Variants in EP300 observed in about 807,000 individuals in gnomAD.
EP300 encodes the protein EP300 lysine acetyltransferase.
Under a neutral mutation model 264.0 loss-of-function variants are expected in EP300, and 31 were observed. The ratio of observed to expected loss-of-function variants is 0.12; its 90% confidence interval spans 0.09 to 0.16. The LOEUF is 0.16. Among genes scored for constraint, EP300 ranks in the 10% least tolerant of loss-of-function variants. The pLI, the probability that EP300 is intolerant of heterozygous loss-of-function variation, is 1.00. For missense variants in EP300, 2,766 were observed against 3,052.9 expected (o/e 0.91, Z 2.21); for synonymous variants, 1,340 against 1,045.4 (o/e 1.28, Z -5.44).
At position 41,149,879 on chromosome 22, in the gene EP300, C is replaced by T. The variant is rs1803789601; in HGVS notation, c.2498C>T (p.Ser833Leu). The T allele has an allele frequency of 8.1e-6, 13 of 1,614,124 alleles. No individual in the cohort carries two copies. Among genetic ancestry groups the T allele is most frequent in the Non-Finnish European group, 1.1e-5 (13 of 1,180,032 alleles). The change falls in exon 14 of 31, where the codon TCG becomes TTG. Residue 833 changes from serine (S) to leucine (L), a missense_variant. Ser to Leu is a moderately radical substitution (Grantham distance 145). Transcript: ENST00000263253. Reference sequence around the variant, plus strand: ...CCAGCTCTTCATCAGAATTCACCCTCGCCTGTACCTAGTCGTACCCCCACC... The same window carrying T: ...CCAGCTCTTCATCAGAATTCACCCTTGCCTGTACCTAGTCGTACCCCCACC... ...PQPALHQNSP[S>L]PVPSRTPTPH... is the part of the protein sequence containing the mutation.
At chr22:41,121,903 A>G (rs576188007) in intron 2 of EP300, among the ~76,000 whole-genome samples, 1 of 152,130 alleles carries the variant, frequency 6.6e-6, no homozygotes, top group East Asian at 1.9e-4. Context: ...TACTATATCT[A>G]TCATGAATTT....
intron 10 of EP300, among the ~76,000 whole-genome samples, chr22:41,142,383 G>T (rs2058987690): frequency 1.3e-5 from 2 of 152,162 alleles, no homozygotes; most frequent in South Asian, 4.1e-4. Context: ...TTTGCTAACT[G>T]AAGTGTGCCA....
chr22:41,112,940 G>A (rs983381856), intron 1 of EP300, among the ~76,000 whole-genome samples: 88 of 151,254 alleles, frequency 5.8e-4, no homozygotes, highest in African/African-American at 2.1e-3. Context: ...CTTTTTTGCT[G>A]GAGTATTTTA....
intron 1 of EP300, among the ~76,000 whole-genome samples, chr22:41,105,376 T>G (rs972438071): frequency 6.6e-6 from 1 of 151,170 alleles, no homozygotes; most frequent in African/African-American, 2.4e-5. Flanking sequence ...AATTCAATAT[T>G]GAAATGTTTT....
In EP300 at chr22:41,179,001, A is replaced by C; in HGVS notation, c.*45A>C. On this transcript the variant is annotated 3_prime_UTR_variant, in exon 31 of 31. Transcript: ENST00000263253. ...GGGAGCAAAAAAATTATTTTCTCTT[A>C]ACAAGACTTTTTGTACTGAAAACAA... 1 of 1,606,022 alleles carries C rather than the reference A, an allele frequency of 6.2e-7. No homozygotes were observed. The highest frequency in any genetic ancestry group is 8.5e-7 in the Non-Finnish European group (1 of 1,177,234).
intron 1 of EP300, among the ~76,000 whole-genome samples, chr22:41,098,262 A>T (rs950555203): frequency 2.0e-5 from 3 of 152,216 alleles, no homozygotes; most frequent in African/African-American, 7.2e-5. Context: ...CTTTCCCAGA[A>T]GCGCTTAAGA....
chr22:41,097,058 A>G (rs994352103), intron 1 of EP300, among the ~76,000 whole-genome samples: 2 of 152,222 alleles, frequency 1.3e-5, no homozygotes, highest in South Asian at 2.1e-4. Context: ...GAATGTTTAC[A>G]TAAGAGTTTG....
At chr22:41,158,923 T>C (rs955512721) in intron 19 of EP300, 3 of 194,008 alleles carry the variant, frequency 1.5e-5, no homozygotes, top group African/African-American at 7.1e-5. Context: ...TAGTTGTTAT[T>C]AGAATATATG....
intron 1 of EP300, among the ~76,000 whole-genome samples, chr22:41,099,420 T>C (rs2058719262): frequency 6.6e-6 from 1 of 152,146 alleles, no homozygotes; most frequent in African/African-American, 2.4e-5. Context: ...TGAAACCCTG[T>C]ATAGTAGTGA....
At chr22:41,158,033 C>G (rs755347037) in intron 18 of EP300, among the ~76,000 whole-genome samples, 2 of 152,168 alleles carry the variant, frequency 1.3e-5, no homozygotes, top group African/African-American at 2.4e-5. Flanking sequence ...CTGTACATAC[C>G]AATTCACATT....
chr22:41,105,130 G>C (rs2058751431), intron 1 of EP300, among the ~76,000 whole-genome samples: 1 of 149,310 alleles, frequency 6.7e-6, no homozygotes, highest in African/African-American at 2.5e-5. Flanking sequence ...CCAGGAGGCG[G>C]AGCTAGCAGT....
chr22:41,170,335 G>A (rs1426813553), intron 26 of EP300, 71 bp from the exon 27 acceptor site: 1 of 1,442,818 alleles, frequency 6.9e-7, no homozygotes, highest in Non-Finnish European at 9.7e-7. Context: ...ACTCCAACTT[G>A]TGGTTTAAAA....
intron 6 of EP300, among the ~76,000 whole-genome samples, chr22:41,132,871 A>G (rs1457047663): frequency 1.3e-5 from 2 of 152,192 alleles, no homozygotes; most frequent in South Asian, 2.1e-4. Context: ...ATTGCATATG[A>G]TAACATTGGA....
intron 1 of EP300, among the ~76,000 whole-genome samples, chr22:41,106,194 A>G (rs2058757118): frequency 6.6e-6 from 1 of 152,190 alleles, no homozygotes; most frequent in Admixed American, 6.5e-5. Flanking sequence ...TCTCATTTTA[A>G]AAGCTACAGT....
At chr22:41,151,050 T>A (rs1015285793) in intron 14 of EP300, among the ~76,000 whole-genome samples, 1 of 152,114 alleles carries the variant, frequency 6.6e-6, no homozygotes, top group Non-Finnish European at 1.5e-5. Context: ...AATAGTTGAA[T>A]CCTTATTAAT....
At chr22:41,168,168 A>G (rs532320947) in intron 23 of EP300, 88 of 430,556 alleles carry the variant, frequency 2.0e-4, no homozygotes, top group African/African-American at 1.5e-3. Context: ...AAATTTTTCA[A>G]AATGAGAAGT....
chr22:41,106,544 C>T (rs186521552), intron 1 of EP300, among the ~76,000 whole-genome samples: 18 of 152,274 alleles, frequency 1.2e-4, no homozygotes, highest in African/African-American at 4.1e-4. Flanking sequence ...CTTCATCTGT[C>T]AAGCTCCTAC....
At chr22:41,102,282 A>C (rs544920316) in intron 1 of EP300, among the ~76,000 whole-genome samples, 54 of 152,164 alleles carry the variant, frequency 3.5e-4, no homozygotes, top group African/African-American at 1.3e-3. Context: ...TCAGCATTGT[A>C]TTTGGGAAGT....
chr22:41,141,662 A>G (rs1315475078), intron 10 of EP300, among the ~76,000 whole-genome samples: 1 of 139,100 alleles, frequency 7.2e-6, no homozygotes, highest in Admixed American at 7.3e-5. Flanking sequence ...AAGTCTAGGA[A>G]CTCTTTTTTT....
Sources: gnomAD v4.1 joint callset for allele counts (sites outside exome capture counted in the v4.1 genomes callset) on GRCh38, gnomAD v4.1.1 for gene constraint, MANE v1.5 for transcripts, NCBI Gene and HGNC (gene_info 2026-07-23, HGNC 2026-07-21) for gene names.